NFIB: variants seen among roughly 807,000 people sequenced by gnomAD.
NFIB encodes nuclear factor I B, also known as nuclear factor 1 B-type.
Under a neutral mutation model 61.5 loss-of-function variants are expected in NFIB, and 11 were observed. The ratio of observed to expected loss-of-function variants is 0.18; its 90% CI spans 0.11 to 0.30. The LOEUF (loss-of-function observed/expected upper bound fraction) is 0.30. NFIB is among the 10% of genes least tolerant of loss of function. The pLI is 1.00. For missense variants in NFIB, 471 were observed against 608.9 expected (o/e 0.77, Z 2.38); for synonymous variants, 260 against 216.5 (o/e 1.20, Z -1.76).
intron 4 of NFIB, among the ~76,000 whole-genome samples, chr9:14,152,704 G>T (rs527833435): frequency 6.6e-6 from 1 of 152,100 alleles, no homozygotes; most frequent in Admixed American, 6.6e-5. Context: ...TGTAGTAAAT[G>T]ATAATTTTAA....
intron 2 of NFIB, among the ~76,000 whole-genome samples, chr9:14,184,691 A>C (rs1284134807): frequency 6.6e-6 from 1 of 152,204 alleles, no homozygotes; most frequent in Non-Finnish European, 1.5e-5. Context: ...CAAAACTGTC[A>C]AATTTTTTTT....
At chr9:14,486,786 G>A in the NFIB span, among the ~76,000 whole-genome samples, 6 of 151,800 alleles carry the variant, frequency 4.0e-5, no homozygotes, top group East Asian at 9.7e-4. Context: ...AGCATGGTGG[G>A]GTATAACTGG....
At chr9:14,162,142 A>C (rs1365436950) in intron 3 of NFIB, among the ~76,000 whole-genome samples, 1 of 152,164 alleles carries the variant, frequency 6.6e-6, no homozygotes, top group Admixed American at 6.6e-5. Context: ...CAAACATTAA[A>C]AATATATAAA....
the NFIB span, among the ~76,000 whole-genome samples, chr9:14,528,779 G>A: frequency 6.6e-6 from 1 of 152,088 alleles, no homozygotes; most frequent in Non-Finnish European, 1.5e-5. Context: ...AAATAGAATG[G>A]AAAGTCCAAA....
chr9:14,149,354 A>G (rs1205077622), intron 5 of NFIB, among the ~76,000 whole-genome samples: 2 of 152,160 alleles, frequency 1.3e-5, no homozygotes, highest in Non-Finnish European at 2.9e-5. Flanking sequence ...ACATTGTAAA[A>G]TGAGTGTTTT....
Position 14,084,384 on chromosome 9 carries a change from G to A in NFIB, c.*3925C>T, listed in dbSNP as rs567352259. ...ATTAAGAAGACCTTTCGCTCTTCTC[G>A]CTACTTGCAGCTTCACAGATTCATT... On this transcript the variant is annotated 3_prime_UTR_variant, in exon 11 of 11. Transcript: ENST00000380953. 1.8e-5 allele frequency: 4 copies of A among 222,208 alleles called. No individual in the cohort carries two copies. The highest frequency in any genetic ancestry group is 1.1e-4 in the Admixed American group (2 of 17,410). 13.8% of individuals were successfully genotyped at this position (222,208 alleles called of 1,614,324 possible).
chr9:14,283,726 C>G (rs148868911), intron 2 of NFIB, among the ~76,000 whole-genome samples: 1 of 152,146 alleles, frequency 6.6e-6, no homozygotes, highest in African/African-American at 2.4e-5. Context: ...AAATGTTGTG[C>G]GTTGGCATCC....
intron 10 of NFIB, among the ~76,000 whole-genome samples, chr9:14,112,651 G>C (rs1180138025): frequency 1.3e-5 from 2 of 152,172 alleles, no homozygotes; most frequent in Non-Finnish European, 2.9e-5. Flanking sequence ...TTCTATTCTA[G>C]TTGGCTTTAA....
At chr9:14,205,286 A>AGG (rs2049556197) in intron 2 of NFIB, among the ~76,000 whole-genome samples, 1 of 89,816 alleles carries the variant, frequency 1.1e-5, no homozygotes, top group African/African-American at 4.0e-5. Context: ...GAGGGAGGGA[A>AGG]AGAAGAAAGG....
At chr9:14,174,046 C>T (rs1375610703) in intron 3 of NFIB, among the ~76,000 whole-genome samples, 1 of 152,166 alleles carries the variant, frequency 6.6e-6, no homozygotes, top group Non-Finnish European at 1.5e-5. Flanking sequence ...GAAAGAAACA[C>T]TTCCCTCATC....
At chr9:14,523,452 C>T in the NFIB span, among the ~76,000 whole-genome samples, 49 of 152,158 alleles carry the variant, frequency 3.2e-4, no homozygotes, top group African/African-American at 1.1e-3. Context: ...GTTATTCCTG[C>T]GTGTGCCTCT....
intron 2 of NFIB, among the ~76,000 whole-genome samples, chr9:14,220,713 T>A (rs1331581558): frequency 1.3e-5 from 2 of 152,026 alleles, no homozygotes; most frequent in Non-Finnish European, 2.9e-5. Context: ...CTCTCCCTTA[T>A]TTCCCATTCA....
At chr9:14,171,809 T>A (rs1336953068) in intron 3 of NFIB, among the ~76,000 whole-genome samples, 1 of 152,180 alleles carries the variant, frequency 6.6e-6, no homozygotes, top group African/African-American at 2.4e-5. Context: ...CGAAAAGTAG[T>A]TGGACACATA....
At chr9:14,510,703 CAA>C in the NFIB span, among the ~76,000 whole-genome samples, 2 of 152,004 alleles carry the variant, frequency 1.3e-5, no homozygotes, top group South Asian at 4.1e-4. Context: ...TTGGAGAATT[CAA>C]AAAAGTACAA....
At chr9:14,342,602 C>T (rs2060965305) in intron 1 of NFIB, among the ~76,000 whole-genome samples, 1 of 152,170 alleles carries the variant, frequency 6.6e-6, no homozygotes, top group Non-Finnish European at 1.5e-5. Context: ...TTCATATATG[C>T]AATGCCACTT....
At chr9:14,359,153 T>C (rs2061210351) in intron 1 of NFIB, among the ~76,000 whole-genome samples, 1 of 152,162 alleles carries the variant, frequency 6.6e-6, no homozygotes, top group Non-Finnish European at 1.5e-5. Flanking sequence ...CCAAGGAGAT[T>C]GTTAAACTGG....
chr9:14,182,704 CTCTCTGTG>C (rs1347709735), intron 2 of NFIB, among the ~76,000 whole-genome samples: 2 of 128,472 alleles, frequency 1.6e-5, no homozygotes, highest in East Asian at 2.5e-4. Flanking sequence ...CTCTCTCTCT[CTCTCTGTG>C]TGTGTGTGTG....
intron 1 of NFIB, among the ~76,000 whole-genome samples, chr9:14,340,537 A>G (rs1318064369): frequency 1.3e-5 from 2 of 152,208 alleles, no homozygotes; most frequent in African/African-American, 4.8e-5. Context: ...AACTCAGAGG[A>G]TAAAATGTTT....
the NFIB span, among the ~76,000 whole-genome samples, chr9:14,440,990 T>G: frequency 6.6e-6 from 1 of 152,162 alleles, no homozygotes; most frequent in South Asian, 2.1e-4. Flanking sequence ...CAGCCATTCC[T>G]GATATGGAAG....
Sources: allele counts gnomAD v4.1 joint callset (sites outside exome capture counted in the v4.1 genomes callset), GRCh38; gene constraint gnomAD v4.1.1; transcripts MANE v1.5; gene names NCBI Gene and HGNC (gene_info 2026-07-23, HGNC 2026-07-21).